The following MEGF8 variants were observed in gnomAD, a reference collection of about 807,000 sequenced individuals.
MEGF8 encodes the protein multiple epidermal growth factor-like domains protein 8.
Under a neutral mutation model 302.9 loss-of-function variants are expected in MEGF8, and 156 were observed. The observed-to-expected ratio is 0.52, with a 90% CI of 0.45 to 0.59. The LOEUF (loss-of-function observed/expected upper bound fraction) is 0.59. Among genes scored for constraint, MEGF8 ranks in the 20% least tolerant of loss-of-function variants. The pLI is 0.00. For synonymous variants in MEGF8, 1,621 were observed against 1,660.5 expected, an observed-to-expected ratio of 0.98 and a Z score of 0.58; for missense variants, 3,345 against 3,964.5, an observed-to-expected ratio of 0.84 and a Z score of 4.20.
intron 31 of MEGF8, among the ~76,000 whole-genome samples, chr19:42,359,584 C>T (rs1695796189): frequency 6.6e-6 from 1 of 152,150 alleles, no homozygotes; most frequent in Non-Finnish European, 1.5e-5. Context: ...AGAAGCATGC[C>T]TGTCACTTGC....
At position 42,368,444 on chromosome 19, in the gene MEGF8, C is replaced by A; in HGVS notation, c.6274-11C>A. 1.3e-6 allele frequency: 2 copies of A among 1,591,520 alleles called. No individual in the cohort carries two copies. Among genetic ancestry groups the A allele is most frequent in the South Asian group, 1.1e-5 (1 of 87,854 alleles). ...TCTTCCCTGCATCCCCATCCCCTCC[C>A]CCCCATACAGTGTCTGAGCCCTTCC... On this transcript the variant is annotated splice_polypyrimidine_tract_variant and intron_variant, in intron 35 of 41. Coordinates refer to ENST00000251268, the MANE Select transcript of MEGF8 (RefSeq NM_001271938.2). The surrounding 1 kb of genome is among the most constrained non-coding windows in gnomAD (Gnocchi z 4.9).
In MEGF8 at chr19:42,333,352, C is replaced by T. The variant is rs144076938; in HGVS notation, c.188-253C>T. 1.6e-3 allele frequency among the ~76,000 whole-genome samples: 240 copies of T among 152,314 alleles called. 1 individual carries two copies. The highest frequency in any genetic ancestry group is 5.5e-3 in the African/African-American group (229 of 41,564). Reference sequence around the variant, plus strand: ...GAATGGTGGGAGTGTTCATTCTGATCTCAGGTGACCTTTCTAGAGGTCTGG... The same window carrying T: ...GAATGGTGGGAGTGTTCATTCTGATTTCAGGTGACCTTTCTAGAGGTCTGG... On this transcript the variant is annotated intron_variant, in intron 1 of 41. Transcript: ENST00000251268.
chr19:42,332,389 C>T (rs933529569), intron 1 of MEGF8, among the ~76,000 whole-genome samples: 5 of 151,306 alleles, frequency 3.3e-5, no homozygotes, highest in East Asian at 2.0e-4. Flanking sequence ...TTTTTTGAGA[C>T]GAAGTCTCGC....
Position 42,376,273 on chromosome 19 carries a change from G to A in MEGF8, c.8036G>A (p.Arg2679Gln), listed in dbSNP as rs1013782173. The A allele has an allele frequency of 2.5e-6, 4 of 1,610,952 alleles. No homozygotes were observed. Among genetic ancestry groups the A allele is most frequent in the East Asian group, 2.2e-5 (1 of 44,686 alleles). Residue 2679 changes from arginine to glutamine, a missense_variant, in exon 42 of 42, where the codon CGG becomes CAG. Transcript: ENST00000251268. This position sits in a 1 kb window ranked among gnomAD's most constrained non-coding sequence, Gnocchi z 8.2. ...LWKAKQALDQ[R>Q]QEQRRHLQEM... Reference sequence around the variant, plus strand: ...AAGGCCAAGCAGGCTCTGGACCAGCGGCAGGAGCAGCGCCGGCACTTGCAG... The same window carrying A: ...AAGGCCAAGCAGGCTCTGGACCAGCAGCAGGAGCAGCGCCGGCACTTGCAG...
At chr19:42,335,478 C>T in intron 5 of MEGF8, 93 bp downstream of exon 5, 1 of 1,154,518 alleles carries the variant, frequency 8.7e-7, no homozygotes, top group Non-Finnish European at 1.3e-6. Context: ...CTAGTGCTCC[C>T]ACAGTTCCTG....
At chr19:42,365,086 G>A (rs1233899637) in intron 35 of MEGF8, among the ~76,000 whole-genome samples, 1 of 152,190 alleles carries the variant, frequency 6.6e-6, no homozygotes, top group African/African-American at 2.4e-5. Flanking sequence ...AAGGGCAGAA[G>A]CCCCTGTGAT....
chr19:42,358,809 G>A lies in MEGF8; in HGVS notation c.5198G>A (p.Arg1733His), dbSNP rs371976691. 1.4e-5 allele frequency: 22 copies of A among 1,583,058 alleles called. No homozygotes were observed. The African/African-American group carries it at 1.6e-4, about 12-fold the overall frequency. Residue 1733 changes from arginine to histidine, a missense_variant, in exon 30 of 42, where the codon CGT (arginine) becomes CAT (histidine). Arg to His is a conservative substitution (Grantham distance 29, BLOSUM62 0). Transcript: ENST00000251268. This position sits in a 1 kb window ranked among gnomAD's most constrained non-coding sequence, Gnocchi z 4.4. ...TAGCGAGATCGTATGAGGAATGTGC[G>A]TGGCTCATCTCGGGGTCTGGGCCAA... ...GAKRDRMRNV[R>H]GSSRGLGQVP...
rs751559172 is a variant in MEGF8, at chr19:42,326,233, A to C, written c.-11A>C. On this transcript the variant is annotated 5_prime_UTR_variant, in exon 1 of 42. Transcript: ENST00000251268. ...CTGTCCCCGCTCTAAGGGTCAGTGC[A>C]GGAGGCGGCGATGGCCCTGGGCAAG... 8 of 1,522,886 alleles carry C rather than the reference A, an allele frequency of 5.3e-6. No homozygotes were observed. In the East Asian group the frequency reaches 2.1e-4, roughly 39 times the overall value. The allele number at this position is 1,522,886 out of a possible 1,614,324, so 94.3% of individuals were successfully genotyped here.
chr19:42,371,853 C>T (rs1269612786), intron 41 of MEGF8, among the ~76,000 whole-genome samples: 2 of 151,892 alleles, frequency 1.3e-5, no homozygotes, highest in African/African-American at 4.8e-5. Flanking sequence ...GAGGCTGAGG[C>T]GGGAGGATCA....
chr19:42,343,688 C>T, intron 9 of MEGF8, 57 bp downstream of exon 9: 2 of 1,525,046 alleles, frequency 1.3e-6, no homozygotes, highest in South Asian at 1.3e-5. Context: ...GCAGGGTTTC[C>T]ACAGGTGAGG....
In MEGF8 at chr19:42,338,088, G is replaced by A. The variant is rs962738178; in HGVS notation, c.1513+882G>A. Among the ~76,000 whole-genome samples, 119 of 152,166 alleles carry A rather than the reference G, an allele frequency of 7.8e-4. 1 individual carries two copies. Among genetic ancestry groups the A allele is most frequent in the African/African-American group, 2.8e-3 (114 of 41,438 alleles). ...CCCAAAGTACTGGGATCACATGTGT[G>A]AGCCACCATGCTTGGCCTTTTTAAC... On this transcript the variant is annotated intron_variant, in intron 8 of 41. Coordinates refer to ENST00000251268, the MANE Select transcript of MEGF8 (RefSeq NM_001271938.2).
At position 42,333,608 on chromosome 19, in the gene MEGF8, C is replaced by T. The variant is rs1011874976; in HGVS notation, c.191C>T (p.Pro64Leu). The part of the protein sequence containing the change: ...NGNCEWLIEA[P>L]SPQHRILLDF... ...TCCCTCTGTGCTCACCTCCCAGCCC[C>T]AAGCCCCCAGCACCGGATCCTGCTG... Residue 64 changes from proline (P) to leucine (L), a missense_variant, in exon 2 of 42, where the codon CCA becomes CTA. Physicochemically the swap from Pro to Leu is moderately conservative, Grantham distance 98 (BLOSUM62 -3). Transcript: ENST00000251268. The T allele has an allele frequency of 6.2e-7, 1 of 1,613,336 alleles. No individual in the cohort carries two copies. Among genetic ancestry groups the T allele is most frequent in the African/African-American group, 1.3e-5 (1 of 74,912 alleles).
At chr19:42,333,874 G>A in intron 2 of MEGF8, 106 bp downstream of exon 2, 2 of 1,538,312 alleles carry the variant, frequency 1.3e-6, no homozygotes, top group Non-Finnish European at 1.8e-6. Flanking sequence ...CAGGGACAAG[G>A]GAAGGTGGAG....
Position 42,354,115 on chromosome 19 carries a change from G to A in MEGF8, c.4011+91G>A, listed in dbSNP as rs1363818354. 3 of 1,377,934 alleles carry A rather than the reference G, an allele frequency of 2.2e-6. No individual in the cohort carries two copies. Among genetic ancestry groups the A allele is most frequent in the Admixed American group, 2.8e-5 (1 of 35,482 alleles). The allele number at this position is 1,377,934 out of a possible 1,614,324, so 85.4% of individuals were successfully genotyped here. A position where few individuals can be genotyped will look rare whatever the true frequency, so the allele number is the denominator to read the frequency against. On this transcript the variant is annotated intron_variant, in intron 22 of 41. Transcript: ENST00000251268. The surrounding 1 kb of genome is among the most constrained non-coding windows in gnomAD (Gnocchi z 4.3). The stretch of plus-strand genomic sequence containing the variant: ...ATCCTCAGACCCTGACCCTAGTATT[G>A]CTGTTTTTTTTTTTTTGTTTTTTTA...
intron 8 of MEGF8, 128 bp downstream of exon 8, chr19:42,337,334 G>T: frequency 7.5e-7 from 1 of 1,324,690 alleles, no homozygotes; most frequent in Non-Finnish European, 1.0e-6. Context: ...GCCAGCCTTA[G>T]GAGGCAAGCC....
rs1031170970 is a variant in MEGF8 at position 42,369,801 on chromosome 19, C to T, written c.6834+78C>T. On this transcript the variant is annotated intron_variant, in intron 38 of 41. Transcript: ENST00000251268. This position sits in a 1 kb window ranked among gnomAD's most constrained non-coding sequence, Gnocchi z 5.7. ...GCCTTCATCCCACGCTCAGGCGGCT[C>T]GCATCTCATCCTGAGCCCTGATAAG... 32 of 1,428,690 alleles carry T rather than the reference C, an allele frequency of 2.2e-5. No individual in the cohort carries two copies. Among genetic ancestry groups the T allele is most frequent in the Admixed American group, 4.1e-5 (2 of 48,396 alleles). The allele number at this position is 1,428,690 out of a possible 1,614,324, so 88.5% of individuals were successfully genotyped here. A position where few individuals can be genotyped will look rare whatever the true frequency, so the allele number is the denominator to read the frequency against.
Position 42,368,471 on chromosome 19 carries a change from A to T in MEGF8, c.6290A>T (p.Tyr2097Phe). 6.2e-7 allele frequency: 1 copy of T among 1,608,294 alleles called. No homozygotes were observed. Among genetic ancestry groups the T allele is most frequent in the Non-Finnish European group, 8.5e-7 (1 of 1,178,142 alleles). The change falls in exon 36 of 42, where the codon TAC (tyrosine) becomes TTC (phenylalanine). Residue 2097 changes from tyrosine (Y) to phenylalanine (F), a missense_variant. Coordinates refer to ENST00000251268, the MANE Select transcript of MEGF8 (RefSeq NM_001271938.2). This position sits in a 1 kb window ranked among gnomAD's most constrained non-coding sequence, Gnocchi z 4.9. Reference sequence around the variant, plus strand: ...CCCATACAGTGTCTGAGCCCTTCCTACCTGCCCCTGCGATGTATGGCCGGA... The same window carrying T: ...CCCATACAGTGTCTGAGCCCTTCCTTCCTGCCCCTGCGATGTATGGCCGGA... Reference protein sequence around the residue: ...SSLQQCLSPSYLPLRCMAGGC... With the variant: ...SSLQQCLSPSFLPLRCMAGGC...
Position 42,337,890 on chromosome 19 carries a change from A to T in MEGF8, c.1513+684A>T, listed in dbSNP as rs139592609. Among the ~76,000 whole-genome samples the T allele has an allele frequency of 9.0e-3, 1,353 of 150,698 alleles. 14 individuals carry two copies. The highest frequency in any genetic ancestry group is 0.019 in the South Asian group (88 of 4,748). ...GTGATCTCAGCTCACTGCGACCTCC[A>T]CCTCCCGGGTTCAAGCGATTCTCCT... On this transcript the variant is annotated intron_variant, in intron 8 of 41. Transcript: ENST00000251268.
Position 42,363,124 on chromosome 19 carries a change from C to T in MEGF8, c.6135C>T (p.Ser2045=). ...TCFSHSLLNV[S]PMPVESSPPL... ...TCAGCCACTCTCTGCTGAATGTGTC[C>T]CCCATGCCGGTGGAATCATCACCCC... Residue 2045 remains serine, a synonymous_variant, in exon 35 of 42, where the codon TCC becomes TCT. Transcript: ENST00000251268. The T allele has an allele frequency of 6.2e-7, 1 of 1,613,220 alleles. No homozygotes were observed. The highest frequency in any genetic ancestry group is 8.5e-7 in the Non-Finnish European group (1 of 1,179,586).
Sources: gnomAD v4.1 joint callset for allele counts (sites outside exome capture counted in the v4.1 genomes callset) on GRCh38, gnomAD v4.1.1 for gene constraint, Gnocchi (gnomAD v3.1) non-coding constraint, MANE v1.5 for transcripts, NCBI Gene and HGNC (gene_info 2026-07-23, HGNC 2026-07-21) for gene names.